SCN9A: variants seen among roughly 807,000 people sequenced by gnomAD.
The protein encoded by SCN9A is sodium voltage-gated channel alpha subunit 9.
SCN9A carries 131 observed loss-of-function variants against 187.0 expected under a neutral mutation model. The observed-to-expected ratio is 0.70, with a 90% CI of 0.61 to 0.81. The LOEUF is 0.81. Ranked by LOEUF, SCN9A falls within the 30% of genes least tolerant of loss-of-function variation. The pLI, the probability that SCN9A is intolerant of heterozygous loss-of-function variation, is 0.00. For synonymous variants in SCN9A, 809 were observed against 808.6 expected, an observed-to-expected ratio of 1.00 and a Z score of -0.01; for missense variants, 2,252 against 2,396.6, an observed-to-expected ratio of 0.94 and a Z score of 1.26.
At chr2:166,295,899 T>G (rs1698279958) in intron 7 of SCN9A, 1 of 152,240 alleles carries the variant, frequency 6.6e-6, no homozygotes, top group African/African-American at 2.4e-5. Flanking sequence ...CTGTTAAGGC[T>G]TGTTCCTAAG....
chr2:166,238,619 T>C (rs190100952), intron 19 of SCN9A, among the ~76,000 whole-genome samples: 18 of 152,336 alleles, frequency 1.2e-4, no homozygotes, highest in Admixed American at 6.5e-4. Flanking sequence ...CATGATCCCA[T>C]GGCCAGCCAC....
intron 7 of SCN9A, chr2:166,298,722 C>A (rs943173119): frequency 2.6e-5 from 4 of 152,110 alleles, no homozygotes; most frequent in Admixed American, 6.5e-5. Flanking sequence ...ATCATCAGTG[C>A]CTAACCTGGC....
chr2:166,277,382 C>A, intron 15 of SCN9A, 43 bp from the exon 16 acceptor site: 3 of 1,326,788 alleles, frequency 2.3e-6, no homozygotes, highest in East Asian at 2.3e-5. Context: ...CTATGAAAAT[C>A]TTTTCAATGT....
intron 21 of SCN9A, among the ~76,000 whole-genome samples, chr2:166,232,202 T>G (rs1695114700): frequency 6.6e-6 from 1 of 152,142 alleles, no homozygotes; most frequent in Admixed American, 6.5e-5. Context: ...ATAGAGTTGT[T>G]GTCCTCCATG....
intron 24 of SCN9A, among the ~76,000 whole-genome samples, chr2:166,222,243 A>C (rs1694618973): frequency 6.6e-6 from 1 of 152,250 alleles, no homozygotes. Flanking sequence ...CAAAATATAT[A>C]GGGAACTCCT....
intron 9 of SCN9A, among the ~76,000 whole-genome samples, chr2:166,292,268 T>C (rs1019740436): frequency 1.4e-4 from 22 of 152,220 alleles, no homozygotes; most frequent in African/African-American, 4.8e-4. Context: ...GTAATATACT[T>C]TTATCATACA....
chr2:166,211,723 TAA>T lies in SCN9A; in HGVS notation c.4399-7261_4399-7260del, dbSNP rs1421578242. Among the ~76,000 whole-genome samples, 54 of 119,498 alleles carry T rather than the reference TAA, an allele frequency of 4.5e-4. 1 individual carries two copies. The highest frequency in any genetic ancestry group is 7.9e-3 in the Middle Eastern group (2 of 254). 78.4% of individuals were successfully genotyped at this position (119,498 alleles called of 152,430 possible). ...GTTATCAGCTTAAAGTAGACTATTA[TAA>T]GATATTTGTGATTGCCTCATGATAA... On this transcript the variant is annotated intron_variant, in intron 24 of 26. Transcript: ENST00000642356.
chr2:166,344,831 C>T (rs1387329174), intron 1 of SCN9A, among the ~76,000 whole-genome samples: 2 of 152,100 alleles, frequency 1.3e-5, no homozygotes, highest in African/African-American at 2.4e-5. Context: ...GATGAGAAAA[C>T]CCAAAATATG....
At position 166,203,572 on chromosome 2, in the gene SCN9A, ATAT is replaced by A. The variant is rs1693647970; in HGVS notation, c.4774+380_4774+382del. 2.6e-5 allele frequency among the ~76,000 whole-genome samples: 4 copies of A among 152,060 alleles called. No individual in the cohort carries two copies. The South Asian group carries it at 6.2e-4, about 24-fold the overall frequency. ...AAATTCACAGATATTCTGGCTATTA[ATAT>A]TATCATTAATCAAATGACAAGTCTC... On this transcript the variant is annotated intron_variant, in intron 26 of 26. Coordinates refer to ENST00000642356, the MANE Select transcript of SCN9A (RefSeq NM_001365536.1).
chr2:166,267,293 CTCTG>C (rs1387355120), intron 17 of SCN9A, among the ~76,000 whole-genome samples: 1 of 151,848 alleles, frequency 6.6e-6, no homozygotes, highest in African/African-American at 2.4e-5. Flanking sequence ...AATGCTTTTT[CTCTG>C]TCTATTGAGA....
At chr2:166,369,000 A>G (rs1700487657) in intron 1 of SCN9A, among the ~76,000 whole-genome samples, 1 of 152,028 alleles carries the variant, frequency 6.6e-6, no homozygotes, top group Non-Finnish European at 1.5e-5. Flanking sequence ...AAAAAAAAAA[A>G]AGAATGCATT....
intron 1 of SCN9A, among the ~76,000 whole-genome samples, chr2:166,365,295 A>G (rs1700387940): frequency 6.6e-6 from 1 of 152,218 alleles, no homozygotes; most frequent in Non-Finnish European, 1.5e-5. Context: ...ATGCATGTAC[A>G]TATACATTTA....
chr2:166,365,523 GA>G (rs1387134435), intron 1 of SCN9A, among the ~76,000 whole-genome samples: 2 of 152,072 alleles, frequency 1.3e-5, no homozygotes, highest in African/African-American at 4.8e-5. Flanking sequence ...ACAAAATCAA[GA>G]AAAACCCTCA....
At chr2:166,342,169 C>T (rs534939379) in intron 1 of SCN9A, among the ~76,000 whole-genome samples, 53 of 152,102 alleles carry the variant, frequency 3.5e-4, no homozygotes, top group East Asian at 5.8e-4. Flanking sequence ...CACATCAGCA[C>T]GTATGTATAG....
chr2:166,240,857 G>C (rs1264212242), intron 19 of SCN9A, among the ~76,000 whole-genome samples: 1 of 152,128 alleles, frequency 6.6e-6, no homozygotes, highest in Non-Finnish European at 1.5e-5. Flanking sequence ...CTGGGACAAA[G>C]AGCAGGGTTG....
intron 1 of SCN9A, among the ~76,000 whole-genome samples, chr2:166,337,199 T>A (rs1437304401): frequency 1.3e-5 from 2 of 152,042 alleles, no homozygotes; most frequent in Non-Finnish European, 2.9e-5. Flanking sequence ...ATTCCAGAAG[T>A]GAGATGAGCA....
At chr2:166,216,462 A>G (rs1400240451) in intron 24 of SCN9A, among the ~76,000 whole-genome samples, 1 of 152,094 alleles carries the variant, frequency 6.6e-6, no homozygotes, top group Non-Finnish European at 1.5e-5. Flanking sequence ...TGCTAATGAC[A>G]TGATCTTTAT....
rs920499171 is a variant in SCN9A at position 166,197,544 on chromosome 2, A to G, written c.*1128T>C. ...ATGCTTTTTTATTCATACTAAACAC[A>G]TATCTGTGTAAAGTCTGTCATATTA... On this transcript the variant is annotated 3_prime_UTR_variant, in exon 27 of 27. Coordinates refer to ENST00000642356, the MANE Select transcript of SCN9A (RefSeq NM_001365536.1). 6.7e-6 allele frequency: 1 copy of G among 149,472 alleles called. No homozygotes were observed. The highest frequency in any genetic ancestry group is 2.5e-5 in the African/African-American group (1 of 39,954). The allele number at this position is 149,472 out of a possible 1,614,324, so 9.3% of individuals were successfully genotyped here. A position where few individuals can be genotyped will look rare whatever the true frequency, so the allele number is the denominator to read the frequency against.
chr2:166,370,219 T>TC (rs759150088), intron 1 of SCN9A, among the ~76,000 whole-genome samples: 17,828 of 136,068 alleles, frequency 0.13, 1,304 homozygotes, highest in Admixed American at 0.2. Flanking sequence ...ATAATAATAA[T>TC]AATAATAATA....
Sources: allele counts gnomAD v4.1 joint callset (sites outside exome capture counted in the v4.1 genomes callset), GRCh38; gene constraint gnomAD v4.1.1; transcripts MANE v1.5; gene names NCBI Gene and HGNC (gene_info 2026-07-23, HGNC 2026-07-21).